The following DENND2D variants were observed in gnomAD, a reference collection of about 807,000 sequenced individuals.
The protein encoded by DENND2D is DENN domain containing 2D, also known as DENN domain-containing protein 2D.
A neutral mutation model predicts 59.8 loss-of-function variants in DENND2D; 37 were observed. The observed-to-expected ratio is 0.62, with a 90% CI of 0.48 to 0.81. The LOEUF (loss-of-function observed/expected upper bound fraction) is 0.81. DENND2D is among the 40% of genes least tolerant of loss of function. The probability of loss-of-function intolerance (pLI) is 0.00; values close to 1 mark genes in which losing one functional copy is unlikely to be tolerated. For synonymous variants in DENND2D, 219 were observed against 211.3 expected (o/e 1.04, Z -0.31); for missense variants, 525 against 579.7 (o/e 0.91, Z 0.97).
chr1:111,200,463 T>C lies in DENND2D; in HGVS notation c.-4A>G. ...GGCCTACCACTTGTCCTTCCATCTC[T>C]GGGCCTTCAGGACAGAGCGGACTCC... On this transcript the variant is annotated 5_prime_UTR_variant, in exon 1 of 12. Coordinates refer to ENST00000357640, the MANE Select transcript of DENND2D (RefSeq NM_024901.5). 6.2e-7 allele frequency: 1 copy of C among 1,608,960 alleles called. No homozygotes were observed. Among genetic ancestry groups the C allele is most frequent in the Non-Finnish European group, 8.5e-7 (1 of 1,177,492 alleles).
At position 111,200,264 on chromosome 1, in the gene DENND2D, C is replaced by A; in HGVS notation, c.67+129G>T. On this transcript the variant is annotated intron_variant, in intron 1 of 11. Transcript: ENST00000357640. ...AAACCAGCAGAGGAAGCCTCCTGAC[C>A]CAGTCACATGGGGAACCATGTGGAG... is the stretch of plus-strand genomic sequence containing the variant. 5 of 1,301,958 alleles carry A rather than the reference C, an allele frequency of 3.8e-6. No individual in the cohort carries two copies. The South Asian group carries it at 6.5e-5, about 17-fold the overall frequency. The allele number at this position is 1,301,958 out of a possible 1,614,324, so 80.7% of individuals were successfully genotyped here. A position where few individuals can be genotyped will look rare whatever the true frequency, so the allele number is the denominator to read the frequency against.
Position 111,192,777 on chromosome 1 carries a change from G to C in DENND2D, c.795-460C>G, listed in dbSNP as rs189127863. On this transcript the variant is annotated intron_variant, in intron 7 of 11. Coordinates refer to ENST00000357640, the MANE Select transcript of DENND2D (RefSeq NM_024901.5). ...AGTTAAGAGACAAACATGTAAACAA[G>C]CACTGGAGGCTCAGCCGAGAGGCAA... is the stretch of plus-strand genomic sequence containing the variant. 3.3e-5 allele frequency among the ~76,000 whole-genome samples: 5 copies of C among 152,236 alleles called. No individual in the cohort carries two copies. The East Asian group carries it at 7.7e-4, about 24-fold the overall frequency.
At chr1:111,192,818 CTA>C (rs1657904933) in intron 7 of DENND2D, among the ~76,000 whole-genome samples, 1 of 152,202 alleles carries the variant, frequency 6.6e-6, no homozygotes, top group Non-Finnish European at 1.5e-5. Flanking sequence ...TTTTACCTCG[CTA>C]TGTCTATCCA....
chr1:111,199,536 T>G lies in DENND2D; in HGVS notation c.243+87A>C, dbSNP rs940908901. 2.7e-6 allele frequency: 4 copies of G among 1,463,650 alleles called. No homozygotes were observed. The African/African-American group carries it at 5.7e-5, about 21-fold the overall frequency. 90.7% of individuals were successfully genotyped at this position (1,463,650 alleles called of 1,614,324 possible). A position where few individuals can be genotyped will look rare whatever the true frequency, so the allele number is the denominator to read the frequency against. On this transcript the variant is annotated intron_variant, in intron 2 of 11. Coordinates refer to ENST00000357640, the MANE Select transcript of DENND2D (RefSeq NM_024901.5). ...GCTCCAGGCTCAAGCCCCGGTAGGGTAGGGAGAAGGAGGTGGAACCCCCAC... is the reference window on the plus strand; with the variant it reads ...GCTCCAGGCTCAAGCCCCGGTAGGGGAGGGAGAAGGAGGTGGAACCCCCAC...
intron 2 of DENND2D, among the ~76,000 whole-genome samples, chr1:111,199,380 C>T (rs1277553497): frequency 6.6e-6 from 1 of 152,166 alleles, no homozygotes; most frequent in Non-Finnish European, 1.5e-5. Flanking sequence ...AATGTCTAGC[C>T]TAGTTTCCCT....
chr1:111,192,033 G>A, intron 8 of DENND2D, 107 bp downstream of exon 8: 2 of 1,065,476 alleles, frequency 1.9e-6, no homozygotes, highest in Non-Finnish European at 2.6e-6. Flanking sequence ...CAGGCTTAAA[G>A]AGGTAAGGTA....
At chr1:111,189,144 A>G (rs1340985693) in intron 9 of DENND2D, 68 bp downstream of exon 9, 14 of 1,541,728 alleles carry the variant, frequency 9.1e-6, no homozygotes, top group Non-Finnish European at 1.3e-5. Context: ...AAATAAGTGG[A>G]ACATGGATGA....
chr1:111,194,349 G>T (rs574030620), intron 7 of DENND2D, among the ~76,000 whole-genome samples: 7 of 152,220 alleles, frequency 4.6e-5, no homozygotes, highest in African/African-American at 1.7e-4. Flanking sequence ...CCTTCCCCAA[G>T]CTAAGTCAGG....
chr1:111,200,807 T>C, upstream of DENND2D: 1 of 914,712 alleles, frequency 1.1e-6, no homozygotes, highest in Non-Finnish European at 1.4e-6. Flanking sequence ...CCTGGCTACT[T>C]ATGGGCTAAG....
Position 111,186,830 on chromosome 1 carries a change from T to G in DENND2D, c.*775A>C, listed in dbSNP as rs1386670963. 6.6e-6 allele frequency among the ~76,000 whole-genome samples: 1 copy of G among 152,170 alleles called. No homozygotes were observed. Among genetic ancestry groups the G allele is most frequent in the African/African-American group, 2.4e-5 (1 of 41,448 alleles). On this transcript the variant is annotated 3_prime_UTR_variant, in exon 12 of 12. Coordinates refer to ENST00000357640, the MANE Select transcript of DENND2D (RefSeq NM_024901.5). ...AGACCTACGTATGGAAGCCATGTAG[T>G]GTTCTTCACAGGCTGCTGTTGACTG...
chr1:111,189,924 G>T (rs1321213789), intron 8 of DENND2D, among the ~76,000 whole-genome samples: 3 of 152,088 alleles, frequency 2.0e-5, no homozygotes, highest in South Asian at 4.2e-4. Flanking sequence ...CAGCACTTTG[G>T]GAGGCCGAGG....
intron 4 of DENND2D, 148 bp from the exon 5 acceptor site, chr1:111,197,401 C>T: frequency 1.4e-6 from 2 of 1,458,050 alleles, no homozygotes; most frequent in South Asian, 1.4e-5. Flanking sequence ...TGGCCACCAG[C>T]ATCAAAAGAA....
upstream of DENND2D, chr1:111,200,650 G>A (rs941244406): frequency 6.3e-5 from 87 of 1,375,526 alleles, no homozygotes; most frequent in Non-Finnish European, 7.8e-5. Context: ...AGGATGTGAC[G>A]GGACCCAGGA....
chr1:111,201,907 C>G (rs2101514176), upstream of DENND2D, among the ~76,000 whole-genome samples: 1 of 152,286 alleles, frequency 6.6e-6, no homozygotes, highest in South Asian at 2.1e-4. Flanking sequence ...GAGCTGGCAC[C>G]ACACCTTACT....
In DENND2D at chr1:111,195,845, CA is replaced by C. The variant is rs1457396895; in HGVS notation, c.645+70del. The C allele has an allele frequency of 5.0e-5, 80 of 1,602,736 alleles. No individual in the cohort carries two copies. The East Asian group carries it at 1.7e-3, about 35-fold the overall frequency. On this transcript the variant is annotated intron_variant, in intron 6 of 11. Coordinates refer to ENST00000357640, the MANE Select transcript of DENND2D (RefSeq NM_024901.5). ...TACTTTAACCTGGTTAATGGAAGAA[CA>C]GTGGTGAGAGGTGCCACAGATGCCT...
Position 111,198,644 on chromosome 1 carries a change from G to C in DENND2D, c.342C>G (p.Leu114=). 3 of 1,614,142 alleles carry C rather than the reference G, an allele frequency of 1.9e-6. No homozygotes were observed. The highest frequency in any genetic ancestry group is 2.5e-6 in the Non-Finnish European group (3 of 1,180,028). ...CFPDGNEWAS[L]TEYPRETFSF... Reference sequence around the variant, plus strand: ...TGAGCAATTACCTGGGATACTCGGTGAGTGATGCCCACTCATTCCCATCTG... The same window carrying C: ...TGAGCAATTACCTGGGATACTCGGTCAGTGATGCCCACTCATTCCCATCTG... The change falls in exon 3 of 12, where the codon CTC becomes CTG. Residue 114 remains leucine (L), a synonymous_variant. Transcript: ENST00000357640.
chr1:111,190,174 A>AACAAAACAAAAAAAAAC (rs77382405), intron 8 of DENND2D, among the ~76,000 whole-genome samples: 7 of 148,754 alleles, frequency 4.7e-5, no homozygotes, highest in Admixed American at 1.4e-4. Flanking sequence ...AAAAAAAAAA[A>AACAAAACAAAAAAAAAC]AAAAAAAAAC....
At position 111,191,800 on chromosome 1, in the gene DENND2D, G is replaced by A. The variant is rs187500669; in HGVS notation, c.972+340C>T. On this transcript the variant is annotated intron_variant, in intron 8 of 11. Transcript: ENST00000357640. ...ACATTTGGATGAGATGGGACACCCC[G>A]AAGACTGCTCATTAGGGCCAGCTGG... 1.8e-3 allele frequency among the ~76,000 whole-genome samples: 272 copies of A among 152,254 alleles called. 3 individuals carry two copies. Among genetic ancestry groups the A allele is most frequent in the Middle Eastern group, 0.014 (4 of 294 alleles).
intron 6 of DENND2D, chr1:111,195,405 T>A (rs1024623133): frequency 6.4e-6 from 1 of 157,312 alleles, no homozygotes; most frequent in Non-Finnish European, 1.4e-5. Context: ...GCACACAGAC[T>A]ATTCAGAGTT....
Sources: gnomAD v4.1 joint callset for allele counts (sites outside exome capture counted in the v4.1 genomes callset) on GRCh38, gnomAD v4.1.1 for gene constraint, MANE v1.5 for transcripts, NCBI Gene and HGNC (gene_info 2026-07-23, HGNC 2026-07-21) for gene names.